Variants in SLC35F1 observed in about 807,000 individuals in gnomAD.
SLC35F1 encodes the protein chromosome 6 open reading frame 169.
In SLC35F1, 14 loss-of-function variants were observed where a neutral mutation model predicts 48.7. That is an observed-to-expected ratio of 0.29 (90% CI 0.19 to 0.45). SLC35F1 has a LOEUF of 0.45. Among genes scored for constraint, SLC35F1 ranks in the 20% least tolerant of loss-of-function variants. The pLI is 1.00. For synonymous variants in SLC35F1, 190 were observed against 202.2 expected, an observed-to-expected ratio of 0.94 and a Z score of 0.51; for missense variants, 404 against 500.0, an observed-to-expected ratio of 0.81 and a Z score of 1.83.
intron 1 of SLC35F1, among the ~76,000 whole-genome samples, chr6:117,982,858 G>A (rs753077546): frequency 6.6e-6 from 1 of 152,024 alleles, no homozygotes; most frequent in Non-Finnish European, 1.5e-5. Flanking sequence ...CAAATTTTCT[G>A]TACATAATTA....
intron 1 of SLC35F1, among the ~76,000 whole-genome samples, chr6:118,109,294 T>C (rs1278194905): frequency 1.3e-5 from 2 of 152,196 alleles, no homozygotes; most frequent in South Asian, 2.1e-4. Flanking sequence ...TGCCAGCCCA[T>C]TGGCCACAAT....
chr6:118,057,729 GT>G (rs1165593753), intron 1 of SLC35F1, among the ~76,000 whole-genome samples: 1 of 152,184 alleles, frequency 6.6e-6, no homozygotes, highest in African/African-American at 2.4e-5. Context: ...GAGGAGGTCT[GT>G]TTTTTGTCTC....
At chr6:117,999,074 G>C in intron 1 of SLC35F1, 5 of 1,535,338 alleles carry the variant, frequency 3.3e-6, no homozygotes, top group African/African-American at 2.7e-5. Flanking sequence ...ATCTCTTAAG[G>C]GGGTGGACCC....
In SLC35F1 at chr6:118,235,544, T is replaced by C. The variant is rs1445976379; in HGVS notation, c.385T>C (p.Trp129Arg). The stretch of plus-strand genomic sequence containing the variant: ...CCTCCTGGCAATTTTACGACGAAGA[T>C]GGTGGAAGTACATGATTTTGGGACT... ...ENLLAILRRR[W>R]WKYMILGLID... Residue 129 changes from tryptophan to arginine, a missense_variant, in exon 3 of 8, where the codon TGG becomes CGG. Physicochemically the swap from Trp to Arg is moderately radical, Grantham distance 101. Coordinates refer to ENST00000360388, the MANE Select transcript of SLC35F1 (RefSeq NM_001029858.4). The C allele has an allele frequency of 1.2e-6, 2 of 1,613,440 alleles. No homozygotes were observed. The highest frequency in any genetic ancestry group is 1.6e-4 in the Middle Eastern group (1 of 6,074).
chr6:118,229,465 G>GC (rs563537193), intron 2 of SLC35F1, among the ~76,000 whole-genome samples: 65 of 152,242 alleles, frequency 4.3e-4, no homozygotes, highest in African/African-American at 1.5e-3. Context: ...GCAGTGGGGT[G>GC]CCCTGCAAGT....
intron 2 of SLC35F1, among the ~76,000 whole-genome samples, chr6:118,225,791 G>T (rs1248657675): frequency 4.6e-5 from 7 of 150,996 alleles, no homozygotes; most frequent in African/African-American, 1.7e-4. Flanking sequence ...CAGGAGAATG[G>T]CATGAACCCG....
chr6:118,208,575 CA>C (rs1774965913), intron 2 of SLC35F1, among the ~76,000 whole-genome samples: 2 of 152,228 alleles, frequency 1.3e-5, no homozygotes, highest in African/African-American at 4.8e-5. Context: ...TTAGAGTACA[CA>C]GACTTTTTAA....
chr6:117,909,305 A>G (rs757007180), intron 1 of SLC35F1, among the ~76,000 whole-genome samples: 2 of 152,068 alleles, frequency 1.3e-5, no homozygotes, highest in Non-Finnish European at 2.9e-5. Context: ...TTTTTTTTCA[A>G]TTGCAATTAC....
intron 7 of SLC35F1, among the ~76,000 whole-genome samples, chr6:118,309,208 T>TGC (rs1776346278): frequency 6.6e-6 from 1 of 150,662 alleles, no homozygotes; most frequent in Non-Finnish European, 1.5e-5. Flanking sequence ...TGTGTGCGTG[T>TGC]GTGTATTTTT....
intron 1 of SLC35F1, among the ~76,000 whole-genome samples, chr6:117,973,671 C>G (rs1471245827): frequency 6.6e-6 from 1 of 152,086 alleles, no homozygotes; most frequent in Non-Finnish European, 1.5e-5. Context: ...AAGAGACCCT[C>G]CTGCCTCAGC....
intron 1 of SLC35F1, among the ~76,000 whole-genome samples, chr6:118,138,717 T>C (rs927313808): frequency 3.9e-5 from 6 of 152,316 alleles, no homozygotes; most frequent in African/African-American, 1.4e-4. Context: ...TTGCTTTTTT[T>C]TTTAAAGATG....
chr6:118,309,434 C>G (rs1304000445), intron 7 of SLC35F1, among the ~76,000 whole-genome samples: 3 of 152,064 alleles, frequency 2.0e-5, no homozygotes, highest in Admixed American at 2.0e-4. Context: ...ACCAGGCCCA[C>G]CATATAGAAG....
intron 2 of SLC35F1, among the ~76,000 whole-genome samples, chr6:118,208,994 C>G (rs1486368558): frequency 2.6e-5 from 4 of 152,148 alleles, no homozygotes; most frequent in African/African-American, 9.7e-5. Flanking sequence ...ATAGAAAGGT[C>G]ACTCTCTTCC....
chr6:117,971,677 C>T (rs945956911), intron 1 of SLC35F1, among the ~76,000 whole-genome samples: 1 of 152,218 alleles, frequency 6.6e-6, no homozygotes, highest in Non-Finnish European at 1.5e-5. Context: ...ACCTGCAGGC[C>T]CAATGCCACA....
chr6:118,173,193 A>T (rs916502890), intron 2 of SLC35F1, among the ~76,000 whole-genome samples: 7 of 152,216 alleles, frequency 4.6e-5, no homozygotes, highest in African/African-American at 1.7e-4. Flanking sequence ...ATCAACTCTC[A>T]TTCTATCAAC....
At chr6:118,117,664 C>A (rs1207702218) in intron 1 of SLC35F1, among the ~76,000 whole-genome samples, 1 of 152,074 alleles carries the variant, frequency 6.6e-6, no homozygotes, top group Non-Finnish European at 1.5e-5. Context: ...TACAATCATG[C>A]AACCACCACC....
At chr6:118,032,166 T>G (rs1022361306) in intron 1 of SLC35F1, among the ~76,000 whole-genome samples, 3 of 152,202 alleles carry the variant, frequency 2.0e-5, no homozygotes, top group Non-Finnish European at 2.9e-5. Flanking sequence ...ACATTTTCTT[T>G]CTTTGGTTAT....
rs191221865 is a variant in SLC35F1, at chr6:118,219,726, T to C, written c.350-15783T>C. Among the ~76,000 whole-genome samples the C allele has an allele frequency of 1.1e-3, 161 of 152,328 alleles. 1 individual carries two copies. Among genetic ancestry groups the C allele is most frequent in the African/African-American group, 3.7e-3 (153 of 41,574 alleles). On this transcript the variant is annotated intron_variant, in intron 2 of 7. Coordinates refer to ENST00000360388, the MANE Select transcript of SLC35F1 (RefSeq NM_001029858.4). ...TATAAAGACACATGCTACGTATGTT[T>C]ATTGCAGCAGTATTCACAATAGCAA...
chr6:118,276,265 T>C (rs1775916965), intron 5 of SLC35F1, among the ~76,000 whole-genome samples: 1 of 152,160 alleles, frequency 6.6e-6, no homozygotes, highest in South Asian at 2.1e-4. Context: ...ATCAAAGCAA[T>C]TTTCCACCAG....
Sources: gnomAD v4.1 joint callset for allele counts (sites outside exome capture counted in the v4.1 genomes callset) on GRCh38, gnomAD v4.1.1 for gene constraint, MANE v1.5 for transcripts, NCBI Gene and HGNC (gene_info 2026-07-23, HGNC 2026-07-21) for gene names.